DCHS1: variants seen among roughly 807,000 people sequenced by gnomAD.
DCHS1 encodes dachsous cadherin-related 1.
In DCHS1, 78 loss-of-function variants were observed where a neutral mutation model predicts 213.9. That is an observed-to-expected ratio of 0.36 (90% confidence interval 0.30 to 0.44). DCHS1 has a LOEUF of 0.44. Among genes scored for constraint, DCHS1 ranks in the 20% least tolerant of loss-of-function variants. The pLI is 1.00. For synonymous variants in DCHS1, 1,828 were observed against 1,873.7 expected (o/e 0.98, Z 0.63); for missense variants, 3,946 against 4,395.9 (o/e 0.90, Z 2.89).
In DCHS1 at chr11:6,641,048, T is replaced by C. The variant is rs1856065633; in HGVS notation, c.566A>G (p.Glu189Gly). ...GYALSGDGAGETFRLETRPGP... is the reference protein window; with the variant it reads ...GYALSGDGAGGTFRLETRPGP... ...GGGGCGTGTCTCCAGCCGGAAGGTC[T>C]CTCCAGCCCCATCACCAGATAGCGC... The change falls in exon 2 of 21, where the codon GAG (glutamate) becomes GGG (glycine). Residue 189 changes from glutamate (E) to glycine (G), a missense_variant. Physicochemically the swap from Glu to Gly is moderately conservative, Grantham distance 98 (BLOSUM62 -2). Transcript: ENST00000299441. This position sits in a 1 kb window ranked among gnomAD's most constrained non-coding sequence, Gnocchi z 7.1. The C allele has an allele frequency of 1.9e-6, 3 of 1,613,876 alleles. No homozygotes were observed. Among genetic ancestry groups the C allele is most frequent in the East Asian group, 4.5e-5 (2 of 44,878 alleles).
In DCHS1 at chr11:6,625,541, G is replaced by A. The variant is rs1041034849; in HGVS notation, c.6862+56C>T. On this transcript the variant is annotated intron_variant, in intron 18 of 20. Transcript: ENST00000299441. The surrounding 1 kb of genome is among the most constrained non-coding windows in gnomAD (Gnocchi z 5.3). ...ACACAGCCCCACCTTGAGCTGCAGG[G>A]TGGAGAAAAATGTCTCTCTGCCACC... is the stretch of plus-strand genomic sequence containing the variant. 2 of 1,611,700 alleles carry A rather than the reference G, an allele frequency of 1.2e-6. No individual in the cohort carries two copies. The highest frequency in any genetic ancestry group is 1.7e-6 in the Non-Finnish European group (2 of 1,179,280).
In DCHS1 at chr11:6,644,546, T is replaced by C. The variant is rs542958014; in HGVS notation, c.-120-2813A>G. On this transcript the variant is annotated intron_variant, in intron 1 of 20. Transcript: ENST00000299441. ...GGCTCTCATTACTTTTGGTAAACAC[T>C]GACAATAAATTGCACAGCAGCCTCG... is the stretch of plus-strand genomic sequence containing the variant. Among the ~76,000 whole-genome samples, 103 of 152,380 alleles carry C rather than the reference T, an allele frequency of 6.8e-4. 3 individuals are homozygous for C. In the South Asian group the frequency reaches 0.02, roughly 30 times the overall value.
At chr11:6,647,877 G>A (rs1366078429) in intron 1 of DCHS1, among the ~76,000 whole-genome samples, 1 of 152,162 alleles carries the variant, frequency 6.6e-6, no homozygotes, top group Non-Finnish European at 1.5e-5. Context: ...TGAAGAATGA[G>A]GCCTCTGGGA....
Position 6,625,942 on chromosome 11 carries a change from G to A in DCHS1, c.6709C>T (p.Arg2237Cys), listed in dbSNP as rs755717552. 4.3e-6 allele frequency: 7 copies of A among 1,613,496 alleles called. No individual in the cohort carries two copies. The highest frequency in any genetic ancestry group is 2.2e-5 in the East Asian group (1 of 44,852). The change falls in exon 17 of 21, where the codon CGT becomes TGT. Residue 2237 changes from arginine (R) to cysteine (C), a missense_variant. Transcript: ENST00000299441. This position sits in a 1 kb window ranked among gnomAD's most constrained non-coding sequence, Gnocchi z 5.3. ...CACCGTGTTTCAGCCCAGATCTCACGGTCCAGGATGGCTGTGGTAGTGATA... is the reference window on the plus strand; with the variant it reads ...CACCGTGTTTCAGCCCAGATCTCACAGTCCAGGATGGCTGTGGTAGTGATA... ...GTITTTAILD[R>C]EIWAETRLVL...
In DCHS1 at chr11:6,625,731, G is replaced by A. The variant is rs1387985222; in HGVS notation, c.6732-4C>T. 1.9e-6 allele frequency: 3 copies of A among 1,601,752 alleles called. No individual in the cohort carries two copies. The highest frequency in any genetic ancestry group is 1.7e-6 in the Non-Finnish European group (2 of 1,174,122). ...GTCTGTGGCCATCAGCACCAACCTG[G>A]ACACAAAGCACAATCATCGGGTGGG... On this transcript the variant is annotated splice_region_variant and splice_polypyrimidine_tract_variant and intron_variant, in intron 17 of 20. Coordinates refer to ENST00000299441, the MANE Select transcript of DCHS1 (RefSeq NM_003737.4). The surrounding 1 kb of genome is among the most constrained non-coding windows in gnomAD (Gnocchi z 5.3).
intron 12 of DCHS1, 110 bp downstream of exon 12, chr11:6,629,342 T>C (rs1855862760): frequency 6.9e-7 from 1 of 1,442,792 alleles, no homozygotes; most frequent in South Asian, 1.4e-5. Flanking sequence ...ACAGGAGCTT[T>C]GTGGTAATAG....
At chr11:6,648,769 A>G (rs1856202936) in intron 1 of DCHS1, among the ~76,000 whole-genome samples, 1 of 152,192 alleles carries the variant, frequency 6.6e-6, no homozygotes, top group Non-Finnish European at 1.5e-5. Context: ...TCATTTATAA[A>G]TAAGGACAAT....
chr11:6,622,683 G>C lies in DCHS1; in HGVS notation c.8993C>G (p.Pro2998Arg), dbSNP rs755830203. 6.3e-7 allele frequency: 1 copy of C among 1,594,322 alleles called. No homozygotes were observed. Among genetic ancestry groups the C allele is most frequent in the Admixed American group, 1.7e-5 (1 of 57,222 alleles). The change falls in exon 21 of 21, where the codon CCC becomes CGC. Residue 2998 changes from proline (P) to arginine (R), a missense_variant. Transcript: ENST00000299441. The surrounding 1 kb of genome is among the most constrained non-coding windows in gnomAD (Gnocchi z 5.4). Reference sequence around the variant, plus strand: ...AGTCTGGTGATAGAGGTGCTCAGAGGGTGGTGGACTAGGTGGCTCCCGGCC... The same window carrying C: ...AGTCTGGTGATAGAGGTGCTCAGAGCGTGGTGGACTAGGTGGCTCCCGGCC... ...KLGREPPSPP[P>R]SEHLYHQTLP...
At chr11:6,644,768 G>A (rs1336264777) in intron 1 of DCHS1, among the ~76,000 whole-genome samples, 1 of 152,194 alleles carries the variant, frequency 6.6e-6, no homozygotes, top group African/African-American at 2.4e-5. Flanking sequence ...CACATCCATG[G>A]TCATGCCAAC....
chr11:6,640,632 G>C lies in DCHS1; in HGVS notation c.982C>G (p.His328Asp). 1 of 1,610,450 alleles carries C rather than the reference G, an allele frequency of 6.2e-7. No individual in the cohort carries two copies. The highest frequency in any genetic ancestry group is 8.5e-7 in the Non-Finnish European group (1 of 1,179,854). ...RPLDFEQRRV[H>D]ELVVQARDGG... ...TCTCGTGCTTGCACCACCAGTTCAT[G>C]GACCCGCCGCTGCTCAAAGTCCAGT... The change falls in exon 2 of 21, where the codon CAT becomes GAT. Residue 328 changes from histidine (H) to aspartate (D), a missense_variant. His to Asp is a moderately conservative substitution (Grantham distance 81). Transcript: ENST00000299441. This position sits in a 1 kb window ranked among gnomAD's most constrained non-coding sequence, Gnocchi z 6.5.
In DCHS1 at chr11:6,632,859, C is replaced by G. The variant is rs1286698131; in HGVS notation, c.2653G>C (p.Asp885His). The change falls in exon 6 of 21, where the codon GAT becomes CAT. Residue 885 changes from aspartate (D) to histidine (H), a missense_variant. Asp to His is a moderately conservative substitution (Grantham distance 81, BLOSUM62 -1). This residue lies in a region of DCHS1 where 3,384 missense variants were observed against 3,780.1 expected (regional missense o/e 0.90). Transcript: ENST00000299441. The surrounding 1 kb of genome is among the most constrained non-coding windows in gnomAD (Gnocchi z 5.9). ...FAVARVRVLL[D>H]DVNDNSPAFP... ...GCAGGGGAGTTGTCATTCACATCAT[C>G]CAGCAGCACACGCACCCGAGCTACA... 1.2e-6 allele frequency: 2 copies of G among 1,613,920 alleles called. No individual in the cohort carries two copies. Among genetic ancestry groups the G allele is most frequent in the Admixed American group, 3.3e-5 (2 of 60,010 alleles).
In DCHS1 at chr11:6,628,811, G is replaced by T. The variant is rs1187186978; in HGVS notation, c.5181C>A (p.Gly1727=). ...INLTVYAQDR[G]SPPQLTHVTV... is the part of the protein sequence containing the mutation. The stretch of plus-strand genomic sequence containing the variant: ...TGACATGCGTTAACTGAGGAGGTGA[G>T]CCCCTGTCCTGGGCATACACTGTGG... Residue 1727 remains glycine (G), a synonymous_variant, in exon 13 of 21, where the codon GGC becomes GGA. Transcript: ENST00000299441. The surrounding 1 kb of genome is among the most constrained non-coding windows in gnomAD (Gnocchi z 4.3). The T allele has an allele frequency of 3.1e-6, 5 of 1,613,516 alleles. No homozygotes were observed. Among genetic ancestry groups the T allele is most frequent in the African/African-American group, 1.3e-5 (1 of 74,922 alleles).
rs1207926981 is a variant in DCHS1 at position 6,641,334 on chromosome 11, T to C, written c.280A>G (p.Ile94Val). ...EGSGVGTDLA[I>V]DEHSGVVRTA... ...CGGACGACCCCACTGTGTTCGTCAATGGCCAGGTCTGTGCCCACGCCGCTG... is the reference window on the plus strand; with the variant it reads ...CGGACGACCCCACTGTGTTCGTCAACGGCCAGGTCTGTGCCCACGCCGCTG... Residue 94 changes from isoleucine to valine, a missense_variant, in exon 2 of 21, where the codon ATT (isoleucine) becomes GTT (valine). Around this residue, in one of 3 missense-constraint regions of DCHS1, gnomAD observed 3,384 missense variants for 3,780.1 expected, o/e 0.90. Coordinates refer to ENST00000299441, the MANE Select transcript of DCHS1 (RefSeq NM_003737.4). This position sits in a 1 kb window ranked among gnomAD's most constrained non-coding sequence, Gnocchi z 7.1. The C allele has an allele frequency of 3.1e-6, 5 of 1,613,522 alleles. No homozygotes were observed. In the East Asian group the frequency reaches 6.7e-5, roughly 22 times the overall value.
Position 6,625,260 on chromosome 11 carries a change from G to C in DCHS1, c.7084C>G (p.Leu2362Val). Residue 2362 changes from leucine to valine, a missense_variant, in exon 19 of 21, where the codon CTC becomes GTC. By Grantham distance (32) the Leu-to-Val change is conservative. Transcript: ENST00000299441. This position sits in a 1 kb window ranked among gnomAD's most constrained non-coding sequence, Gnocchi z 5.3. Reference sequence around the variant, plus strand: ...TTGACATCCTCCACAAGCACTGTGAGGTTGGCACGGCCCTCATGAGGCCCA... The same window carrying C: ...TTGACATCCTCCACAAGCACTGTGACGTTGGCACGGCCCTCATGAGGCCCA... ...HDGPHEGRAN[L>V]TVLVEDVNDN... The C allele has an allele frequency of 6.2e-7, 1 of 1,612,984 alleles. No homozygotes were observed. The highest frequency in any genetic ancestry group is 8.5e-7 in the Non-Finnish European group (1 of 1,179,472).
Position 6,628,338 on chromosome 11 carries a change from G to C in DCHS1, c.5371+283C>G, listed in dbSNP as rs889808246. Among the ~76,000 whole-genome samples the C allele has an allele frequency of 1.3e-5, 2 of 152,190 alleles. No homozygotes were observed. The highest frequency in any genetic ancestry group is 2.9e-5 in the Non-Finnish European group (2 of 68,038). Reference sequence around the variant, plus strand: ...TCCTTAGGGTTCTCAAAAATTAAGAGTGTTAAGGGTTTTTGAGACCAAAAA... The same window carrying C: ...TCCTTAGGGTTCTCAAAAATTAAGACTGTTAAGGGTTTTTGAGACCAAAAA... On this transcript the variant is annotated intron_variant, in intron 13 of 20. Coordinates refer to ENST00000299441, the MANE Select transcript of DCHS1 (RefSeq NM_003737.4). The surrounding 1 kb of genome is among the most constrained non-coding windows in gnomAD (Gnocchi z 4.3).
intron 1 of DCHS1, 23 bp downstream of exon 1, chr11:6,655,540 G>A: frequency 3.1e-6 from 3 of 980,648 alleles, no homozygotes; most frequent in Non-Finnish European, 3.6e-6. Flanking sequence ...GGCCAGACGG[G>A]CCGGGCGGGC....
At chr11:6,651,696 G>A (rs12416839) in intron 1 of DCHS1, among the ~76,000 whole-genome samples, 44,735 of 152,022 alleles carry the variant, frequency 0.29, 7,700 homozygotes, top group Middle Eastern at 0.42. Context: ...AAAGGGGATG[G>A]GATATCAGAG....
In DCHS1 at chr11:6,625,227, C is replaced by A. The variant is rs777391687; in HGVS notation, c.7117G>T (p.Ala2373Ser). Residue 2373 changes from alanine to serine, a missense_variant, in exon 19 of 21, where the codon GCA becomes TCA. Coordinates refer to ENST00000299441, the MANE Select transcript of DCHS1 (RefSeq NM_003737.4). This position sits in a 1 kb window ranked among gnomAD's most constrained non-coding sequence, Gnocchi z 5.3. ...TAGAGGCTCTGTGAGAAGGCAGGTG[C>A]ATTGTCATTGACATCCTCCACAAGC... ...TVLVEDVNDN[A>S]PAFSQSLYQV... The A allele has an allele frequency of 6.2e-7, 1 of 1,605,500 alleles. No homozygotes were observed. Among genetic ancestry groups the A allele is most frequent in the East Asian group, 2.2e-5 (1 of 44,790 alleles).
rs778853546 is a variant in DCHS1 at position 6,630,569 on chromosome 11, C to A, written c.4225G>T (p.Ala1409Ser). The stretch of plus-strand genomic sequence containing the variant: ...GCGCCCGCGCCTCCCGGCCCCTCAG[C>A]GCGTACCGTAAGCGCGCGCCACGGC... ...GPPWRALTVR[A>S]EGPGGAGARL... Residue 1409 changes from alanine (A) to serine (S), a missense_variant, in exon 10 of 21, where the codon GCT becomes TCT. Physicochemically the swap from Ala to Ser is moderately conservative, Grantham distance 99 (BLOSUM62 1). This residue lies in a region of DCHS1 where 3,384 missense variants were observed against 3,780.1 expected (regional missense o/e 0.90). Transcript: ENST00000299441. 1 of 1,539,936 alleles carries A rather than the reference C, an allele frequency of 6.5e-7. No homozygotes were observed. The highest frequency in any genetic ancestry group is 1.2e-5 in the South Asian group (1 of 84,480).
Sources: allele counts gnomAD v4.1 joint callset (sites outside exome capture counted in the v4.1 genomes callset), GRCh38; gene constraint gnomAD v4.1.1; regional missense constraint gnomAD v4.1.1; non-coding constraint Gnocchi (gnomAD v3.1); transcripts MANE v1.5; gene names NCBI Gene and HGNC (gene_info 2026-07-23, HGNC 2026-07-21).